Variants in FGF2 observed in about 807,000 individuals in gnomAD.
FGF2 encodes the protein basic fibroblast growth factor bFGF.
A neutral mutation model predicts 15.9 loss-of-function variants in FGF2; 13 were observed. That is an observed-to-expected ratio of 0.82 (90% CI 0.53 to 1.30). The LOEUF is 1.30. Among genes scored for constraint, FGF2 ranks in the 50% most tolerant of loss-of-function variants. The probability of loss-of-function intolerance (pLI) is 0.00; values close to 1 mark genes in which losing one functional copy is unlikely to be tolerated. For synonymous variants in FGF2, 90 were observed against 78.4 expected, an observed-to-expected ratio of 1.15 and a Z score of -0.78; for missense variants, 163 against 196.9, an observed-to-expected ratio of 0.83 and a Z score of 1.03.
intron 1 of FGF2, among the ~76,000 whole-genome samples, chr4:122,846,773 A>G (rs1241942031): frequency 2.0e-5 from 3 of 152,350 alleles, no homozygotes; most frequent in Non-Finnish European, 2.9e-5. Flanking sequence ...TCTGAGAAGA[A>G]TGAATGGGAA....
At chr4:122,854,631 A>C (rs936661976) in intron 1 of FGF2, among the ~76,000 whole-genome samples, 1 of 152,096 alleles carries the variant, frequency 6.6e-6, no homozygotes, top group African/African-American at 2.4e-5. Context: ...CCAACTTCCT[A>C]CTAAGTCCAC....
intron 1 of FGF2, among the ~76,000 whole-genome samples, chr4:122,829,371 C>T (rs1725712614): frequency 6.6e-6 from 1 of 152,016 alleles, no homozygotes; most frequent in Admixed American, 6.6e-5. Context: ...AGGTAGAGGC[C>T]GGGGATGCTG....
At chr4:122,888,229 C>T (rs907066791) in intron 2 of FGF2, among the ~76,000 whole-genome samples, 2 of 152,164 alleles carry the variant, frequency 1.3e-5, no homozygotes, top group Admixed American at 6.6e-5. Context: ...CATCAGGAAA[C>T]CCTATTAAGT....
At position 122,877,392 on chromosome 4, in the gene FGF2, C is replaced by T. The variant is rs549112959; in HGVS notation, c.282+968C>T. Among the ~76,000 whole-genome samples, 6 of 152,258 alleles carry T rather than the reference C, an allele frequency of 3.9e-5. No individual in the cohort carries two copies. The South Asian group carries it at 6.2e-4, about 16-fold the overall frequency. On this transcript the variant is annotated intron_variant, in intron 2 of 2. Transcript: ENST00000644866. The stretch of plus-strand genomic sequence containing the variant: ...CCTCCCAAAGTGCTGGGATTATAGG[C>T]GTGAGCCACCGTGCCTGGCTGTAGA...
At chr4:122,873,413 G>T (rs1226250261) in intron 1 of FGF2, among the ~76,000 whole-genome samples, 1 of 152,236 alleles carries the variant, frequency 6.6e-6, no homozygotes, top group Admixed American at 6.5e-5. Flanking sequence ...TGTGCACTGG[G>T]TGGAAGCTCT....
chr4:122,852,633 C>T (rs183065163), intron 1 of FGF2, among the ~76,000 whole-genome samples: 118 of 152,248 alleles, frequency 7.8e-4, no homozygotes, highest in African/African-American at 2.5e-3. Context: ...ACTGACTATC[C>T]TCATTTTACC....
At chr4:122,865,762 C>A (rs374483925) in intron 1 of FGF2, among the ~76,000 whole-genome samples, 133 of 152,116 alleles carry the variant, frequency 8.7e-4, no homozygotes, top group Non-Finnish European at 1.5e-3. Flanking sequence ...TTCTATGTGC[C>A]CTTGAAAAGA....
rs1184088247 is a variant in FGF2 at position 122,893,706 on chromosome 4, A to G, written c.*1310A>G. The G allele has an allele frequency of 6.6e-6, 1 of 152,406 alleles. No homozygotes were observed. The highest frequency in any genetic ancestry group is 1.5e-5 in the Non-Finnish European group (1 of 68,168). The allele number at this position is 152,406 out of a possible 1,614,324, so 9.4% of individuals were successfully genotyped here. On this transcript the variant is annotated 3_prime_UTR_variant, in exon 3 of 3. Transcript: ENST00000644866. ...ATTTTATAATTCAACAAAGGTTTTC[A>G]CATTTTATAAGGTTGATTTTTCAAT... is the stretch of plus-strand genomic sequence containing the variant.
chr4:122,889,664 C>T (rs1313681233), intron 2 of FGF2, among the ~76,000 whole-genome samples: 1 of 151,796 alleles, frequency 6.6e-6, no homozygotes, highest in Admixed American at 6.6e-5. Flanking sequence ...GAACATTCAG[C>T]ACAGATGTAA....
chr4:122,885,901 AT>A (rs1267365169), intron 2 of FGF2, among the ~76,000 whole-genome samples: 37 of 83,470 alleles, frequency 4.4e-4, no homozygotes, highest in East Asian at 6.1e-4. Flanking sequence ...AACTTGCTTG[AT>A]TTTTTTTTTC....
In FGF2 at chr4:122,827,019, C is replaced by T. The variant is rs1243274699; in HGVS notation, c.-156C>T. On this transcript the variant is annotated 5_prime_UTR_variant, in exon 1 of 3. Coordinates refer to ENST00000644866, the MANE Select transcript of FGF2 (RefSeq NM_001361665.2). This position sits in a 1 kb window ranked among gnomAD's most constrained non-coding sequence, Gnocchi z 4.2. ...GCCGAGCGGCTCGAGGCTGGGGGACCGCGGGCGCGGCCGCGCGCTGCCGGG... is the reference window on the plus strand; with the variant it reads ...GCCGAGCGGCTCGAGGCTGGGGGACTGCGGGCGCGGCCGCGCGCTGCCGGG... The T allele has an allele frequency of 1.4e-5, 17 of 1,200,988 alleles. No individual in the cohort carries two copies. The highest frequency in any genetic ancestry group is 1.8e-5 in the Non-Finnish European group (17 of 969,054). 74.4% of individuals were successfully genotyped at this position (1,200,988 alleles called of 1,614,324 possible). A position where few individuals can be genotyped will look rare whatever the true frequency, so the allele number is the denominator to read the frequency against.
chr4:122,828,051 C>G (rs762516769), intron 1 of FGF2, among the ~76,000 whole-genome samples: 1 of 152,204 alleles, frequency 6.6e-6, no homozygotes, highest in Non-Finnish European at 1.5e-5. Flanking sequence ...ACCCCAGAGC[C>G]GGTTTCCTCA....
At chr4:122,865,271 GTTTT>G (rs1036833297) in intron 1 of FGF2, among the ~76,000 whole-genome samples, 2 of 144,884 alleles carry the variant, frequency 1.4e-5, no homozygotes, top group East Asian at 2.4e-4. Context: ...TATTTTCTCT[GTTTT>G]TTTTTGTTTG....
At chr4:122,841,594 A>G (rs1047058858) in intron 1 of FGF2, among the ~76,000 whole-genome samples, 1 of 152,048 alleles carries the variant, frequency 6.6e-6, no homozygotes. Context: ...CCTCTAAAAG[A>G]AAAAAAATAA....
At chr4:122,883,667 T>C (rs989226814) in intron 2 of FGF2, among the ~76,000 whole-genome samples, 2 of 152,228 alleles carry the variant, frequency 1.3e-5, no homozygotes, top group Non-Finnish European at 2.9e-5. Context: ...AAGTTAATTG[T>C]AGTTTTAAGT....
chr4:122,897,514 C>A lies in FGF2; in HGVS notation c.*5118C>A. 2.6e-6 allele frequency: 2 copies of A among 777,294 alleles called. No individual in the cohort carries two copies. Among genetic ancestry groups the A allele is most frequent in the Non-Finnish European group, 4.5e-6 (2 of 446,748 alleles). The allele number at this position is 777,294 out of a possible 1,614,324, so 48.1% of individuals were successfully genotyped here. A position where few individuals can be genotyped will look rare whatever the true frequency, so the allele number is the denominator to read the frequency against. On this transcript the variant is annotated 3_prime_UTR_variant, in exon 3 of 3. Transcript: ENST00000644866. Reference sequence around the variant, plus strand: ...AATTTCTGAAATGTTCAGACTCAGTCGGAACAAATTGGAAAATTTAAATTT... The same window carrying A: ...AATTTCTGAAATGTTCAGACTCAGTAGGAACAAATTGGAAAATTTAAATTT...
chr4:122,853,106 T>G (rs1726269510), intron 1 of FGF2, among the ~76,000 whole-genome samples: 1 of 152,156 alleles, frequency 6.6e-6, no homozygotes, highest in Non-Finnish European at 1.5e-5. Context: ...GAGACCAGCC[T>G]GGGCAACATG....
intron 1 of FGF2, among the ~76,000 whole-genome samples, chr4:122,847,598 G>C (rs886261177): frequency 2.5e-4 from 34 of 134,790 alleles, no homozygotes; most frequent in African/African-American, 9.0e-4. Context: ...ATGAATAGGA[G>C]ATCACTCTAT....
intron 1 of FGF2, among the ~76,000 whole-genome samples, chr4:122,844,028 C>T (rs1461897651): frequency 6.6e-6 from 1 of 152,108 alleles, no homozygotes; most frequent in Non-Finnish European, 1.5e-5. Context: ...TATCCTATCA[C>T]GAAAGATTTC....
Sources: gnomAD v4.1 joint callset for allele counts (sites outside exome capture counted in the v4.1 genomes callset) on GRCh38, gnomAD v4.1.1 for gene constraint, Gnocchi (gnomAD v3.1) non-coding constraint, MANE v1.5 for transcripts, NCBI Gene and HGNC (gene_info 2026-07-23, HGNC 2026-07-21) for gene names.